SUDS3: variants seen among roughly 807,000 people sequenced by gnomAD.
SUDS3 encodes the protein sin3 histone deacetylase corepressor complex component SDS3.
SUDS3 carries 23 observed loss-of-function variants against 53.5 expected under a neutral mutation model. The ratio of observed to expected loss-of-function variants is 0.43; its 90% confidence interval spans 0.31 to 0.61. The LOEUF (loss-of-function observed/expected upper bound fraction) is 0.61, where lower values mean the gene tolerates loss of function less well. Ranked by LOEUF, SUDS3 falls within the 20% of genes least tolerant of loss-of-function variation. The pLI is 0.10. For missense variants in SUDS3, 291 were observed against 405.9 expected, an observed-to-expected ratio of 0.72 and a Z score of 2.43; for synonymous variants, 150 against 148.5, an observed-to-expected ratio of 1.01 and a Z score of -0.08.
Position 118,400,769 on chromosome 12 carries a change from C to G in SUDS3, c.613+15C>G. 2 of 1,611,084 alleles carry G rather than the reference C, an allele frequency of 1.2e-6. No homozygotes were observed. The highest frequency in any genetic ancestry group is 1.7e-6 in the Non-Finnish European group (2 of 1,177,224). On this transcript the variant is annotated intron_variant, in intron 7 of 11. Transcript: ENST00000543473. ...ACCTGCTCCAGATATCCATTTACAT[C>G]AAGCCTTAACCGCCTTTCTTTTTTA... is the stretch of plus-strand genomic sequence containing the variant.
At chr12:118,410,938 G>A in intron 10 of SUDS3, 135 bp from the exon 11 acceptor site, 1 of 755,964 alleles carries the variant, frequency 1.3e-6, no homozygotes, top group Non-Finnish European at 2.2e-6. Context: ...GGGAAATCCA[G>A]GCTATTCCTC....
At position 118,395,216 on chromosome 12, in the gene SUDS3, G is replaced by GTT. The variant is rs71772462; in HGVS notation, c.517+3960_517+3961dup. Among the ~76,000 whole-genome samples the GTT allele has an allele frequency of 9.9e-3, 795 of 80,120 alleles. 35 individuals are homozygous for GTT. The highest frequency in any genetic ancestry group is 0.036 in the African/African-American group (712 of 19,598). The allele number at this position is 80,120 out of a possible 152,430, so 52.6% of individuals were successfully genotyped here. ...CTGGTGCTGGCATTGTGGAATCAGG[G>GTT]TTTTTTTTTTTTTTTTTTTTTTTTT... is the stretch of plus-strand genomic sequence containing the variant. On this transcript the variant is annotated intron_variant, in intron 6 of 11. Coordinates refer to ENST00000543473, the MANE Select transcript of SUDS3 (RefSeq NM_022491.3).
At chr12:118,409,669 A>G (rs2046341616) in intron 10 of SUDS3, among the ~76,000 whole-genome samples, 2 of 152,346 alleles carry the variant, frequency 1.3e-5, no homozygotes, top group East Asian at 3.8e-4. Flanking sequence ...GATGTGTTTT[A>G]CTAAATTTAC....
At chr12:118,401,958 T>C (rs1264244033) in intron 8 of SUDS3, 25 bp from the exon 9 acceptor site, 1 of 1,613,804 alleles carries the variant, frequency 6.2e-7, no homozygotes, top group South Asian at 1.1e-5. Flanking sequence ...TTCTCTAAGA[T>C]TTTTTGTTGT....
intron 3 of SUDS3, among the ~76,000 whole-genome samples, chr12:118,385,151 C>G (rs554232717): frequency 6.6e-6 from 1 of 152,082 alleles, no homozygotes; most frequent in South Asian, 2.1e-4. Context: ...CTTTTGTCAC[C>G]CAGGTGGAGG....
Position 118,376,577 on chromosome 12 carries a change from T to C in SUDS3, c.-115T>C, listed in dbSNP as rs2045996808. On this transcript the variant is annotated 5_prime_UTR_variant, in exon 1 of 12. Transcript: ENST00000543473. Reference sequence around the variant, plus strand: ...GGCGGAGACGGGGAAGGGGTCGCCGTGGCTGCCGGTCCTCGAGTTGGGGGC... The same window carrying C: ...GGCGGAGACGGGGAAGGGGTCGCCGCGGCTGCCGGTCCTCGAGTTGGGGGC... 2.4e-6 allele frequency: 3 copies of C among 1,225,264 alleles called. No homozygotes were observed. Among genetic ancestry groups the C allele is most frequent in the Middle Eastern group, 3.1e-4 (1 of 3,212 alleles). The allele number at this position is 1,225,264 out of a possible 1,614,324, so 75.9% of individuals were successfully genotyped here. A position where few individuals can be genotyped will look rare whatever the true frequency, so the allele number is the denominator to read the frequency against.
chr12:118,403,533 A>T lies in SUDS3; in HGVS notation c.803+16A>T. ...ACAAAAGATGGTATGTTATGGGAAA[A>T]CCTGGACTAGTAAGAGTCTCATATG... On this transcript the variant is annotated intron_variant, in intron 10 of 11. Transcript: ENST00000543473. 6.2e-7 allele frequency: 1 copy of T among 1,600,044 alleles called. No homozygotes were observed. Among genetic ancestry groups the T allele is most frequent in the African/African-American group, 1.3e-5 (1 of 74,818 alleles).
At chr12:118,384,641 G>C (rs2046097732) in intron 3 of SUDS3, among the ~76,000 whole-genome samples, 1 of 152,106 alleles carries the variant, frequency 6.6e-6, no homozygotes, top group Admixed American at 6.5e-5. Context: ...GACAATCTTG[G>C]CTAACATGGT....
In SUDS3 at chr12:118,415,767, A is replaced by G. The variant is rs2046395129; in HGVS notation, c.*1334A>G. Reference sequence around the variant, plus strand: ...CTCTTCATGTTGTCTCTTGATGTACATACCCCCAAGCAAGTTGGGGGGACT... The same window carrying G: ...CTCTTCATGTTGTCTCTTGATGTACGTACCCCCAAGCAAGTTGGGGGGACT... On this transcript the variant is annotated 3_prime_UTR_variant, in exon 12 of 12. Coordinates refer to ENST00000543473, the MANE Select transcript of SUDS3 (RefSeq NM_022491.3). The G allele has an allele frequency of 6.6e-6, 1 of 150,432 alleles. No homozygotes were observed. Among genetic ancestry groups the G allele is most frequent in the Non-Finnish European group, 1.5e-5 (1 of 67,056 alleles). 9.3% of individuals were successfully genotyped at this position (150,432 alleles called of 1,614,324 possible).
At chr12:118,408,771 T>G (rs553608806) in intron 10 of SUDS3, among the ~76,000 whole-genome samples, 1 of 152,342 alleles carries the variant, frequency 6.6e-6, no homozygotes, top group Non-Finnish European at 1.5e-5. Flanking sequence ...GACCTTTCTT[T>G]ATTAAAGTGT....
chr12:118,391,376 G>C lies in SUDS3; in HGVS notation c.517+94G>C, dbSNP rs2046166725. ...ACTTTTGTCTTACATTTCAAGAGCA[G>C]AGCAAGGTGGAGAGTGGGTTTTGAC... On this transcript the variant is annotated intron_variant, in intron 6 of 11. Coordinates refer to ENST00000543473, the MANE Select transcript of SUDS3 (RefSeq NM_022491.3). 6 of 1,403,468 alleles carry C rather than the reference G, an allele frequency of 4.3e-6. No individual in the cohort carries two copies. In the East Asian group the frequency reaches 1.1e-4, roughly 27 times the overall value. The allele number at this position is 1,403,468 out of a possible 1,614,324, so 86.9% of individuals were successfully genotyped here. A position where few individuals can be genotyped will look rare whatever the true frequency, so the allele number is the denominator to read the frequency against.
In SUDS3 at chr12:118,414,581, G is replaced by A. The variant is rs1242054447; in HGVS notation, c.*148G>A. The A allele has an allele frequency of 1.7e-6, 1 of 596,166 alleles. No individual in the cohort carries two copies. The highest frequency in any genetic ancestry group is 2.7e-6 in the Non-Finnish European group (1 of 366,404). The allele number at this position is 596,166 out of a possible 1,614,324, so 36.9% of individuals were successfully genotyped here. A position where few individuals can be genotyped will look rare whatever the true frequency, so the allele number is the denominator to read the frequency against. On this transcript the variant is annotated 3_prime_UTR_variant, in exon 12 of 12. Coordinates refer to ENST00000543473, the MANE Select transcript of SUDS3 (RefSeq NM_022491.3). ...GAGAGCACTGCAGTGAATTCTTTAGGGCACTTTTGTGGCCGGATGCTTCCA... is the reference window on the plus strand; with the variant it reads ...GAGAGCACTGCAGTGAATTCTTTAGAGCACTTTTGTGGCCGGATGCTTCCA...
chr12:118,398,470 G>GGTGTGTGT (rs143847475), intron 6 of SUDS3, among the ~76,000 whole-genome samples: 1 of 150,840 alleles, frequency 6.6e-6, no homozygotes, highest in African/African-American at 2.4e-5. Flanking sequence ...ACTTGTTTCT[G>GGTGTGTGT]GTGTGTGTGT....
At chr12:118,398,057 C>T (rs905110545) in intron 6 of SUDS3, among the ~76,000 whole-genome samples, 4 of 152,098 alleles carry the variant, frequency 2.6e-5, no homozygotes, top group Admixed American at 1.3e-4. Flanking sequence ...CAGCTGCTTT[C>T]GACTATGTAA....
Position 118,398,881 on chromosome 12 carries a change from C to T in SUDS3, c.518-1778C>T, listed in dbSNP as rs183086457. Reference sequence around the variant, plus strand: ...AAGGGGTAGGTAATGACCTGTACACCGTGGCACTTGGTCTACTTGAGGTTT... The same window carrying T: ...AAGGGGTAGGTAATGACCTGTACACTGTGGCACTTGGTCTACTTGAGGTTT... On this transcript the variant is annotated intron_variant, in intron 6 of 11. Transcript: ENST00000543473. 3.9e-5 allele frequency among the ~76,000 whole-genome samples: 6 copies of T among 152,166 alleles called. No individual in the cohort carries two copies. In the East Asian group the frequency reaches 5.8e-4, roughly 15 times the overall value.
intron 9 of SUDS3, chr12:118,402,284 G>C: frequency 2.1e-6 from 1 of 483,410 alleles, no homozygotes. Flanking sequence ...TAGGCATCAG[G>C]CATAAGATTT....
intron 7 of SUDS3, among the ~76,000 whole-genome samples, chr12:118,400,955 T>C (rs539535231): frequency 6.6e-6 from 1 of 152,112 alleles, no homozygotes; most frequent in Non-Finnish European, 1.5e-5. Context: ...CTGCTTTTGG[T>C]GGGAGAGATG....
chr12:118,407,500 C>T (rs1303873615), intron 10 of SUDS3, among the ~76,000 whole-genome samples: 1 of 152,118 alleles, frequency 6.6e-6, no homozygotes, highest in Non-Finnish European at 1.5e-5. Context: ...CAGACCACTT[C>T]CCAGAGGTAA....
intron 6 of SUDS3, among the ~76,000 whole-genome samples, chr12:118,393,821 C>T (rs1333241764): frequency 3.9e-5 from 6 of 152,094 alleles, no homozygotes; most frequent in African/African-American, 1.2e-4. Flanking sequence ...CAGGCATGCA[C>T]CACCACGCCC....
Sources: gnomAD v4.1 joint callset for allele counts (sites outside exome capture counted in the v4.1 genomes callset) on GRCh38, gnomAD v4.1.1 for gene constraint, MANE v1.5 for transcripts, NCBI Gene and HGNC (gene_info 2026-07-23, HGNC 2026-07-21) for gene names.